The following NPLOC4 variants were observed in gnomAD, a reference collection of about 807,000 sequenced individuals.
NPLOC4 encodes nuclear protein localization protein 4 homolog.
Under a neutral mutation model 80.6 loss-of-function variants are expected in NPLOC4, and 18 were observed. The observed-to-expected ratio is 0.22, with a 90% CI of 0.15 to 0.33. The LOEUF (loss-of-function observed/expected upper bound fraction) is 0.33, where lower values mean the gene tolerates loss of function less well. Ranked by LOEUF, NPLOC4 falls within the 10% of genes least tolerant of loss-of-function variation. The probability of loss-of-function intolerance (pLI) is 1.00; values close to 1 mark genes in which losing one functional copy is unlikely to be tolerated. For missense variants in NPLOC4, 540 were observed against 786.1 expected (o/e 0.69, Z 3.74); for synonymous variants, 313 against 301.5 (o/e 1.04, Z -0.39).
At chr17:81,608,356 A>ACTGCACTGTGGCCACGCAGCCAGGCGC (rs1161114135) in intron 6 of NPLOC4, among the ~76,000 whole-genome samples, 16 of 152,348 alleles carry the variant, frequency 1.1e-4, no homozygotes, top group African/African-American at 3.8e-4. Context: ...TCTGTCTGAT[A>ACTGCACTGTGGCCACGCAGCCAGGCGC]CTGCACTGTG....
In NPLOC4 at chr17:81,636,916, G is replaced by T; in HGVS notation, c.15C>A (p.Ile5=). Residue 5 remains isoleucine, a splice_region_variant and synonymous_variant, in exon 1 of 17, where the codon ATC becomes ATA. Coordinates refer to ENST00000331134, the MANE Select transcript of NPLOC4 (RefSeq NM_017921.4). Reference sequence around the variant, plus strand: ...GCTCCCGCCCGGCCGCCGCACTCACGATGCTCTCGGCCATGGCGGCTGCTC... The same window carrying T: ...GCTCCCGCCCGGCCGCCGCACTCACTATGCTCTCGGCCATGGCGGCTGCTC... MAES[I]IIRVQSPDGV... The T allele has an allele frequency of 7.1e-7, 1 of 1,403,792 alleles. No homozygotes were observed. Among genetic ancestry groups the T allele is most frequent in the Non-Finnish European group, 9.3e-7 (1 of 1,074,516 alleles). The allele number at this position is 1,403,792 out of a possible 1,614,324, so 87.0% of individuals were successfully genotyped here. A position where few individuals can be genotyped will look rare whatever the true frequency, so the allele number is the denominator to read the frequency against.
intron 3 of NPLOC4, 64 bp from the exon 4 acceptor site, chr17:81,613,558 C>T: frequency 1.3e-6 from 2 of 1,500,232 alleles, no homozygotes; most frequent in South Asian, 1.3e-5. Context: ...GGAAGCCCAA[C>T]TTGGATATCT....
intron 11 of NPLOC4, among the ~76,000 whole-genome samples, chr17:81,595,540 T>TTTC (rs2034885672): frequency 6.7e-6 from 1 of 149,158 alleles, no homozygotes; most frequent in Non-Finnish European, 1.5e-5. Flanking sequence ...ATATATTTTT[T>TTTC]TTTTCTTTTC....
At chr17:81,602,303 T>A (rs2079223943) in intron 8 of NPLOC4, among the ~76,000 whole-genome samples, 1 of 151,884 alleles carries the variant, frequency 6.6e-6, no homozygotes. Flanking sequence ...TTCTAGTACT[T>A]TAGGAGGCCA....
At chr17:81,634,020 C>A (rs145752697) in intron 1 of NPLOC4, among the ~76,000 whole-genome samples, 1 of 151,668 alleles carries the variant, frequency 6.6e-6, no homozygotes, top group African/African-American at 2.4e-5. Context: ...CACGCCACCA[C>A]GCCCGGTTAA....
At chr17:81,605,142 G>A (rs2035167676) in intron 7 of NPLOC4, among the ~76,000 whole-genome samples, 2 of 151,594 alleles carry the variant, frequency 1.3e-5, no homozygotes, top group African/African-American at 4.9e-5. Context: ...AGAGCCAGGC[G>A]TGGTGGCGGG....
intron 12 of NPLOC4, among the ~76,000 whole-genome samples, chr17:81,576,320 G>C (rs1282527821): frequency 6.6e-6 from 1 of 152,322 alleles, no homozygotes; most frequent in Admixed American, 6.5e-5. Context: ...TGCACAACGC[G>C]GGTTTGAACT....
At chr17:81,583,531 T>TC (rs1379937366) in intron 12 of NPLOC4, among the ~76,000 whole-genome samples, 1 of 152,246 alleles carries the variant, frequency 6.6e-6, no homozygotes, top group African/African-American at 2.4e-5. Context: ...TCCTGCCACC[T>TC]GGCTGCCCCA....
At chr17:81,604,837 C>T in intron 7 of NPLOC4, 110 bp from the exon 8 acceptor site, 1 of 1,003,580 alleles carries the variant, frequency 1.0e-6, no homozygotes. Context: ...CTTTAAAAAA[C>T]AAACCAATAG....
intron 1 of NPLOC4, among the ~76,000 whole-genome samples, chr17:81,634,214 G>A (rs2144350423): frequency 6.6e-6 from 1 of 151,848 alleles, no homozygotes; most frequent in South Asian, 2.1e-4. Flanking sequence ...ATGTCGGCCA[G>A]GCTGGTCTCA....
At chr17:81,632,502 T>C (rs1163352070) in intron 1 of NPLOC4, among the ~76,000 whole-genome samples, 1 of 151,920 alleles carries the variant, frequency 6.6e-6, no homozygotes, top group African/African-American at 2.4e-5. Context: ...TTAGTAGAGA[T>C]GGGATTTCAC....
At chr17:81,584,038 A>G (rs7405646) in intron 12 of NPLOC4, among the ~76,000 whole-genome samples, 104,636 of 152,118 alleles carry the variant, frequency 0.69, 37,047 homozygotes, top group Non-Finnish European at 0.77. Flanking sequence ...CCCTTGGGAC[A>G]GGGCTTTTCA....
At chr17:81,618,743 G>C (rs1327981190) in intron 3 of NPLOC4, among the ~76,000 whole-genome samples, 1 of 151,714 alleles carries the variant, frequency 6.6e-6, no homozygotes, top group Non-Finnish European at 1.5e-5. Flanking sequence ...GATGACAATG[G>C]CAGTTTTGTG....
intron 1 of NPLOC4, chr17:81,636,270 C>G (rs2036069754): frequency 1.3e-5 from 2 of 152,194 alleles, no homozygotes; most frequent in Non-Finnish European, 2.9e-5. Flanking sequence ...TGCGCCGGGC[C>G]GACAATTTCA....
At chr17:81,568,223 G>A (rs2034066383) in intron 14 of NPLOC4, 1 of 152,286 alleles carries the variant, frequency 6.6e-6, no homozygotes. Context: ...GACTTTTCCT[G>A]TCGAGCTGTA....
At chr17:81,594,984 A>G (rs935217937) in intron 11 of NPLOC4, among the ~76,000 whole-genome samples, 1 of 151,908 alleles carries the variant, frequency 6.6e-6, no homozygotes, top group Non-Finnish European at 1.5e-5. Flanking sequence ...AAAACCCGGC[A>G]AACTCAAGAA....
intron 3 of NPLOC4, among the ~76,000 whole-genome samples, chr17:81,618,745 A>T (rs112144740): frequency 6.7e-6 from 1 of 150,108 alleles, no homozygotes; most frequent in Non-Finnish European, 1.5e-5. Context: ...TGACAATGGC[A>T]GTTTTGTGGA....
chr17:81,626,209 G>T (rs11869693), intron 2 of NPLOC4, among the ~76,000 whole-genome samples: 2,675 of 150,228 alleles, frequency 0.018, 84 homozygotes, highest in African/African-American at 0.062. Flanking sequence ...TCAGTTACTC[G>T]GGAGGCTGAG....
intron 16 of NPLOC4, chr17:81,561,951 CT>C (rs2033864291): frequency 1.3e-5 from 2 of 152,270 alleles, no homozygotes; most frequent in South Asian, 4.1e-4. Context: ...CTGAGCTGAT[CT>C]TTGTGTCTTG....
Sources: allele counts gnomAD v4.1 joint callset (sites outside exome capture counted in the v4.1 genomes callset), GRCh38; gene constraint gnomAD v4.1.1; transcripts MANE v1.5; gene names NCBI Gene and HGNC (gene_info 2026-07-23, HGNC 2026-07-21).